Variants in POU2F1 observed in about 807,000 individuals in gnomAD.
POU2F1 encodes POU domain, class 2, transcription factor 1.
Under a neutral mutation model 84.9 loss-of-function variants are expected in POU2F1, and 16 were observed. The ratio of observed to expected loss-of-function variants is 0.19; its 90% CI spans 0.13 to 0.29. The LOEUF is 0.29. Ranked by LOEUF, POU2F1 falls within the 10% of genes least tolerant of loss-of-function variation. The probability of loss-of-function intolerance (pLI) is 1.00; values close to 1 mark genes in which losing one functional copy is unlikely to be tolerated. For missense variants in POU2F1, 738 were observed against 942.6 expected, an observed-to-expected ratio of 0.78 and a Z score of 2.84; for synonymous variants, 368 against 368.3, an observed-to-expected ratio of 1.00 and a Z score of 0.01.
chr1:167,279,075 TC>T, intron 1 of POU2F1, among the ~76,000 whole-genome samples: 1 of 152,176 alleles, frequency 6.6e-6, no homozygotes, highest in South Asian at 2.1e-4. Context: ...TTCCTTCTAT[TC>T]CCCCCTGATT....
At chr1:167,288,233 C>T (rs926829037) in intron 1 of POU2F1, among the ~76,000 whole-genome samples, 2 of 152,036 alleles carry the variant, frequency 1.3e-5, no homozygotes, top group African/African-American at 2.4e-5. Context: ...GACCTTGGTA[C>T]ATAGTAAATG....
chr1:167,365,139 G>C (rs1194530958), intron 2 of POU2F1, among the ~76,000 whole-genome samples: 1 of 152,182 alleles, frequency 6.6e-6, no homozygotes, highest in Non-Finnish European at 1.5e-5. Context: ...GAGCCTCAGG[G>C]TGTCTTTGAA....
At chr1:167,232,464 A>C (rs898030003) in intron 1 of POU2F1, among the ~76,000 whole-genome samples, 1 of 152,242 alleles carries the variant, frequency 6.6e-6, no homozygotes, top group African/African-American at 2.4e-5. Flanking sequence ...ATAAGGATAT[A>C]AAGAAAAATT....
Position 167,371,902 on chromosome 1 carries a change from C to A in POU2F1, c.283-15C>A. 6.2e-7 allele frequency: 1 copy of A among 1,613,982 alleles called. No individual in the cohort carries two copies. The highest frequency in any genetic ancestry group is 2.2e-5 in the East Asian group (1 of 44,872). Reference sequence around the variant, plus strand: ...ACCATTTGCAATCTTTTATTTCCTACCCACCCCACCTCAGTCTAAATCTAA... The same window carrying A: ...ACCATTTGCAATCTTTTATTTCCTAACCACCCCACCTCAGTCTAAATCTAA... On this transcript the variant is annotated splice_polypyrimidine_tract_variant and intron_variant, in intron 4 of 15. Coordinates refer to ENST00000367866, the MANE Select transcript of POU2F1 (RefSeq NM_002697.4).
At position 167,332,464 on chromosome 1, in the gene POU2F1, T is replaced by C; in HGVS notation, c.62-6T>C. On this transcript the variant is annotated splice_region_variant and splice_polypyrimidine_tract_variant and intron_variant, in intron 1 of 15. Coordinates refer to ENST00000367866, the MANE Select transcript of POU2F1 (RefSeq NM_002697.4). ...AAAAACCTTATTCTCCTCTGATTTA[T>C]TGCAGACTCAAGAATGAACAATCCG... 1 of 1,605,290 alleles carries C rather than the reference T, an allele frequency of 6.2e-7. No homozygotes were observed. Among genetic ancestry groups the C allele is most frequent in the Non-Finnish European group, 8.5e-7 (1 of 1,172,216 alleles).
intron 1 of POU2F1, among the ~76,000 whole-genome samples, chr1:167,274,500 A>G (rs1405364532): frequency 1.3e-5 from 2 of 152,094 alleles, no homozygotes; most frequent in Non-Finnish European, 2.9e-5. Context: ...ATGTGGGTCT[A>G]TGAGGAAGGT....
chr1:167,356,032 C>T (rs995473096), intron 2 of POU2F1, among the ~76,000 whole-genome samples: 4 of 151,614 alleles, frequency 2.6e-5, no homozygotes, highest in Non-Finnish European at 4.4e-5. Flanking sequence ...ACTGCAGCCT[C>T]GACTTCCCTC....
chr1:167,389,032 T>C (rs1381124507), intron 8 of POU2F1, among the ~76,000 whole-genome samples: 3 of 152,222 alleles, frequency 2.0e-5, no homozygotes, highest in African/African-American at 4.8e-5. Context: ...TTTAAAGATA[T>C]AGGTCCTTGG....
At chr1:167,384,052 G>A (rs763251925) in intron 8 of POU2F1, 101 bp downstream of exon 8, 255 of 1,012,552 alleles carry the variant, frequency 2.5e-4, no homozygotes, top group Non-Finnish European at 3.3e-4. Flanking sequence ...AAAATAATTC[G>A]GTCTTCGAAA....
chr1:167,254,622 G>A (rs1309890065), intron 1 of POU2F1, among the ~76,000 whole-genome samples: 1 of 152,222 alleles, frequency 6.6e-6, no homozygotes, highest in African/African-American at 2.4e-5. Context: ...TAACCATAGA[G>A]TATCTTGATG....
intron 2 of POU2F1, among the ~76,000 whole-genome samples, chr1:167,339,682 A>G (rs1412768741): frequency 2.0e-5 from 3 of 151,836 alleles, no homozygotes; most frequent in Non-Finnish European, 2.9e-5. Context: ...TGGTATTACA[A>G]CTCTGTTTTC....
intron 1 of POU2F1, among the ~76,000 whole-genome samples, chr1:167,274,685 G>T (rs1448875869): frequency 1.3e-5 from 2 of 152,098 alleles, no homozygotes; most frequent in Non-Finnish European, 2.9e-5. Context: ...CTTCTTTGTA[G>T]ACTCACTGTG....
rs953432700 is a variant in POU2F1 at position 167,390,054 on chromosome 1, C to T, written c.987+293C>T. Among the ~76,000 whole-genome samples the T allele has an allele frequency of 7.9e-5, 12 of 152,226 alleles. No homozygotes were observed. The South Asian group carries it at 1.9e-3, about 24-fold the overall frequency. On this transcript the variant is annotated intron_variant, in intron 9 of 15. Transcript: ENST00000367866. ...TACACGTATGTTATATACAAATATA[C>T]ATTTTATAATTTGGAGGACTTGAGC... is the stretch of plus-strand genomic sequence containing the variant.
chr1:167,340,828 G>C (rs1301718247), intron 2 of POU2F1, among the ~76,000 whole-genome samples: 1 of 152,134 alleles, frequency 6.6e-6, no homozygotes, highest in Admixed American at 6.6e-5. Flanking sequence ...TTATCTTATA[G>C]AGAAAACATA....
intron 1 of POU2F1, among the ~76,000 whole-genome samples, chr1:167,227,247 C>T (rs930441844): frequency 1.3e-5 from 2 of 152,102 alleles, no homozygotes; most frequent in African/African-American, 4.8e-5. Context: ...TGCAGTTTAT[C>T]ACATTATTTA....
intron 2 of POU2F1, among the ~76,000 whole-genome samples, chr1:167,353,349 C>CT (rs769922058): frequency 0.038 from 5,431 of 141,978 alleles, 221 homozygotes; most frequent in African/African-American, 0.1. Context: ...CTACCTTCTC[C>CT]TTTTTTTTTT....
intron 1 of POU2F1, among the ~76,000 whole-genome samples, chr1:167,245,056 T>C (rs1159084844): frequency 2.0e-5 from 3 of 152,172 alleles, no homozygotes; most frequent in African/African-American, 7.2e-5. Context: ...AATAGGAGCA[T>C]ATTCTTGCAA....
rs373984052 is a variant in POU2F1 at position 167,270,444 on chromosome 1, A to G, written c.61+49486A>G. Reference sequence around the variant, plus strand: ...GTACTTGGCAGCAAAATAAAAGGCAAAGAGCTTCTTGCTGTGTGTTATGTA... The same window carrying G: ...GTACTTGGCAGCAAAATAAAAGGCAGAGAGCTTCTTGCTGTGTGTTATGTA... On this transcript the variant is annotated intron_variant, in intron 1 of 15. Transcript: ENST00000367866. Among the ~76,000 whole-genome samples, 7 of 152,226 alleles carry G rather than the reference A, an allele frequency of 4.6e-5. No individual in the cohort carries two copies. The East Asian group carries it at 9.6e-4, about 21-fold the overall frequency.
chr1:167,360,540 A>G (rs1310926539), intron 2 of POU2F1, among the ~76,000 whole-genome samples: 1 of 152,060 alleles, frequency 6.6e-6, no homozygotes, highest in Non-Finnish European at 1.5e-5. Context: ...CTACTCTGTT[A>G]TATTGGTCTG....
Sources: allele counts gnomAD v4.1 joint callset (sites outside exome capture counted in the v4.1 genomes callset), GRCh38; gene constraint gnomAD v4.1.1; transcripts MANE v1.5; gene names NCBI Gene and HGNC (gene_info 2026-07-23, HGNC 2026-07-21).